Variants in PCDHA12 observed in about 807,000 individuals in gnomAD.
PCDHA12 encodes the protein protocadherin alpha 12, also known as protocadherin alpha-12.
Under a neutral mutation model 60.0 loss-of-function variants are expected in PCDHA12, and 44 were observed. The observed-to-expected ratio is 0.73, with a 90% CI of 0.58 to 0.94. The LOEUF (loss-of-function observed/expected upper bound fraction) is 0.94, where lower values mean the gene tolerates loss of function less well. Among genes scored for constraint, PCDHA12 ranks in the 40% least tolerant of loss-of-function variants. The pLI is 0.00. For synonymous variants in PCDHA12, 569 were observed against 553.0 expected (o/e 1.03, Z -0.40); for missense variants, 1,276 against 1,239.7 (o/e 1.03, Z -0.44).
intron 3 of PCDHA12, among the ~76,000 whole-genome samples, chr5:141,005,814 A>T (rs947359019): frequency 6.7e-6 from 1 of 149,766 alleles, no homozygotes; most frequent in Non-Finnish European, 1.5e-5. Flanking sequence ...GGAGCCAGGT[A>T]TGGTGGCCTG....
Position 140,877,558 on chromosome 5 carries a change from A to T in PCDHA12, c.2086A>T (p.Ile696Phe). 1 of 1,613,746 alleles carries T rather than the reference A, an allele frequency of 6.2e-7. No homozygotes were observed. The highest frequency in any genetic ancestry group is 8.5e-7 in the Non-Finnish European group (1 of 1,179,892). The change falls in exon 1 of 4, where the codon ATT becomes TTT. Residue 696 changes from isoleucine (I) to phenylalanine (F), a missense_variant. By Grantham distance (21) the Ile-to-Phe change is conservative (BLOSUM62 0). Coordinates refer to ENST00000398631, the MANE Select transcript of PCDHA12 (RefSeq NM_018903.4). ...AVDPEAALVD[I>F]NVYLIIAICA... ...GGATCCCGAAGCGGCTCTGGTGGAT[A>T]TTAACGTGTACCTCATCATCGCCAT... is the stretch of plus-strand genomic sequence containing the variant.
chr5:140,971,973 A>G (rs1554233757), intron 1 of PCDHA12, among the ~76,000 whole-genome samples: 1 of 152,218 alleles, frequency 6.6e-6, no homozygotes, highest in South Asian at 2.1e-4. Flanking sequence ...TTTCAATACT[A>G]TGAGTAGACA....
intron 1 of PCDHA12, among the ~76,000 whole-genome samples, chr5:140,891,762 G>C (rs554912268): frequency 1.5e-3 from 234 of 152,268 alleles, no homozygotes; most frequent in African/African-American, 4.9e-3. Context: ...GTTGGGAGGT[G>C]GGGAATTTCA....
intron 3 of PCDHA12, among the ~76,000 whole-genome samples, chr5:140,999,070 T>A (rs930538088): frequency 6.1e-4 from 93 of 152,328 alleles, no homozygotes; most frequent in African/African-American, 2.1e-3. Context: ...GTAGTCTCCT[T>A]CACTTCCTCC....
At chr5:140,917,327 G>T (rs1219338384) in intron 1 of PCDHA12, among the ~76,000 whole-genome samples, 1 of 149,420 alleles carries the variant, frequency 6.7e-6, no homozygotes, top group Non-Finnish European at 1.5e-5. Context: ...CATGTGGCGG[G>T]GGAGGGGGGG....
intron 3 of PCDHA12, among the ~76,000 whole-genome samples, chr5:141,003,969 G>A (rs781827494): frequency 2.0e-5 from 3 of 152,158 alleles, no homozygotes; most frequent in Non-Finnish European, 4.4e-5. Flanking sequence ...GAGCATAAGG[G>A]AGGGGACTTG....
At chr5:141,006,222 T>C (rs1463720721) in intron 3 of PCDHA12, among the ~76,000 whole-genome samples, 1 of 152,098 alleles carries the variant, frequency 6.6e-6, no homozygotes, top group Non-Finnish European at 1.5e-5. Flanking sequence ...TTTTAAATTT[T>C]TTATTTTTAG....
At chr5:140,900,557 G>A (rs1006880033) in intron 1 of PCDHA12, among the ~76,000 whole-genome samples, 1 of 152,160 alleles carries the variant, frequency 6.6e-6, no homozygotes, top group African/African-American at 2.4e-5. Context: ...GATTACAGGC[G>A]TGAGCCACGG....
At chr5:140,997,251 G>T (rs1217959179) in intron 3 of PCDHA12, among the ~76,000 whole-genome samples, 2 of 152,060 alleles carry the variant, frequency 1.3e-5, no homozygotes, top group Non-Finnish European at 2.9e-5. Context: ...TTACTTTAGG[G>T]TTCACTCTTC....
At chr5:140,889,872 G>A (rs1554184085) in intron 1 of PCDHA12, among the ~76,000 whole-genome samples, 1 of 152,140 alleles carries the variant, frequency 6.6e-6, no homozygotes, top group South Asian at 2.1e-4. Flanking sequence ...GGGGAAGCCT[G>A]CCACCATGTA....
chr5:140,988,658 T>C (rs1470835683), intron 3 of PCDHA12, among the ~76,000 whole-genome samples: 7 of 152,232 alleles, frequency 4.6e-5, no homozygotes, highest in African/African-American at 9.6e-5. Flanking sequence ...TTTTTGTTTA[T>C]GAATAGACTC....
intron 3 of PCDHA12, among the ~76,000 whole-genome samples, chr5:140,997,668 T>TTGTGTGTGTGTGTG (rs35184029): frequency 1.7e-4 from 25 of 148,344 alleles, no homozygotes; most frequent in African/African-American, 6.2e-4. Flanking sequence ...ATTATACAGC[T>TTGTGTGTGTGTGTG]TGTGTGTGTG....
chr5:140,978,653 G>A (rs527551897), intron 1 of PCDHA12, among the ~76,000 whole-genome samples: 25 of 152,314 alleles, frequency 1.6e-4, no homozygotes, highest in African/African-American at 5.5e-4. Flanking sequence ...TGTTCTTCCC[G>A]TAGTGTTTTA....
At chr5:140,976,060 T>G (rs1554237234) in intron 1 of PCDHA12, among the ~76,000 whole-genome samples, 3 of 152,228 alleles carry the variant, frequency 2.0e-5, no homozygotes. Flanking sequence ...GATAGTAATA[T>G]ATGTCTTACT....
chr5:140,905,851 A>G (rs1345912722), intron 1 of PCDHA12, among the ~76,000 whole-genome samples: 1 of 152,204 alleles, frequency 6.6e-6, no homozygotes, highest in Non-Finnish European at 1.5e-5. Context: ...ATTAAGGAGT[A>G]TTAACTCACA....
chr5:140,982,362 A>ATTCTGCTC, intron 2 of PCDHA12, 113 bp from the exon 3 acceptor site: 1 of 1,531,968 alleles, frequency 6.5e-7, no homozygotes, highest in Non-Finnish European at 8.8e-7. Context: ...GCATGAGCAG[A>ATTCTGCTC]ATGTGTTAGC....
At chr5:141,005,114 G>A (rs2098198000) in intron 3 of PCDHA12, among the ~76,000 whole-genome samples, 2 of 152,042 alleles carry the variant, frequency 1.3e-5, no homozygotes, top group African/African-American at 2.4e-5. Flanking sequence ...TTGTCTTTAG[G>A]GACCCCAAAA....
intron 1 of PCDHA12, among the ~76,000 whole-genome samples, chr5:140,925,071 C>T (rs1554202476): frequency 6.8e-6 from 1 of 148,058 alleles, no homozygotes; most frequent in Non-Finnish European, 1.5e-5. Context: ...CAAAGCAACA[C>T]GCTCATCTGG....
chr5:140,966,449 C>CT (rs1737219736), intron 1 of PCDHA12: 1 of 425,908 alleles, frequency 2.3e-6, no homozygotes, highest in South Asian at 9.0e-5. Context: ...CCCTTTCCCC[C>CT]TCCCCCTCTG....
Sources: gnomAD v4.1 joint callset for allele counts (sites outside exome capture counted in the v4.1 genomes callset) on GRCh38, gnomAD v4.1.1 for gene constraint, MANE v1.5 for transcripts, NCBI Gene and HGNC (gene_info 2026-07-23, HGNC 2026-07-21) for gene names.